Variants in MARCHF1 observed in about 807,000 individuals in gnomAD.
The protein encoded by MARCHF1 is E3 ubiquitin-protein ligase MARCHF1.
Under a neutral mutation model 54.2 loss-of-function variants are expected in MARCHF1, and 40 were observed. The ratio of observed to expected loss-of-function variants is 0.74; its 90% CI spans 0.57 to 0.96. The LOEUF is 0.96. MARCHF1 is among the 40% of genes least tolerant of loss of function. The pLI is 0.00. For missense variants in MARCHF1, 586 were observed against 656.5 expected (o/e 0.89, Z 1.17); for synonymous variants, 236 against 236.3 (o/e 1.00, Z 0.01).
intron 1 of MARCHF1, among the ~76,000 whole-genome samples, chr4:164,151,877 C>T (rs548082627): frequency 6.6e-6 from 1 of 152,194 alleles, no homozygotes; most frequent in African/African-American, 2.4e-5. Context: ...CTGCAGCTTT[C>T]TTGACCTTTC....
At chr4:163,872,934 C>T (rs1341411357) in intron 3 of MARCHF1, among the ~76,000 whole-genome samples, 3 of 152,052 alleles carry the variant, frequency 2.0e-5, no homozygotes, top group African/African-American at 7.2e-5. Context: ...GTCCCAGCTA[C>T]TCGGGAGGCT....
chr4:163,974,490 T>C (rs559734442), intron 3 of MARCHF1, among the ~76,000 whole-genome samples: 2 of 152,298 alleles, frequency 1.3e-5, no homozygotes, highest in South Asian at 2.1e-4. Context: ...TGAGTTACTC[T>C]CCAACCTTTG....
chr4:164,213,864 T>C (rs1337324239), intron 1 of MARCHF1, among the ~76,000 whole-genome samples: 8 of 151,992 alleles, frequency 5.3e-5, no homozygotes, highest in Admixed American at 5.2e-4. Context: ...TCAGGCAAAA[T>C]GTAAATAATC....
intron 2 of MARCHF1, among the ~76,000 whole-genome samples, chr4:164,005,301 A>G (rs910820031): frequency 7.2e-5 from 11 of 152,194 alleles, no homozygotes; most frequent in Non-Finnish European, 1.3e-4. Flanking sequence ...AATTAAATTA[A>G]TAATTTAAAA....
At chr4:164,356,012 A>G (rs371117550) in intron 1 of MARCHF1, among the ~76,000 whole-genome samples, 1 of 129,920 alleles carries the variant, frequency 7.7e-6, no homozygotes, top group Non-Finnish European at 1.7e-5. Flanking sequence ...AACACATGAA[A>G]AAATGCTCAC....
chr4:163,915,583 C>T (rs376639127), intron 3 of MARCHF1, among the ~76,000 whole-genome samples: 1 of 152,014 alleles, frequency 6.6e-6, no homozygotes, highest in African/African-American at 2.4e-5. Flanking sequence ...AATATAATCC[C>T]ACTACTTGTA....
chr4:164,331,853 A>G (rs977072314), intron 1 of MARCHF1, among the ~76,000 whole-genome samples: 4 of 152,176 alleles, frequency 2.6e-5, no homozygotes, highest in Admixed American at 2.0e-4. Context: ...AATATATACA[A>G]TAACAGAGAA....
At chr4:164,256,524 T>C (rs1223606714) in intron 1 of MARCHF1, among the ~76,000 whole-genome samples, 1 of 151,476 alleles carries the variant, frequency 6.6e-6, no homozygotes, top group Non-Finnish European at 1.5e-5. Context: ...CATTGGCTTT[T>C]TCCAAAGAAT....
rs1741389069 is a variant in MARCHF1, at chr4:163,612,838, G to C, written c.443C>G (p.Ser148Ter). ...GTAAAGCTCCCTCCACCTGGGGCTT[G>C]AGATTTGAAGGTGAAAGTCATTTTT... ...GRKNDFHLQI[S>*]SPRWRELYTD... Residue 148 changes from serine (S) to a stop codon, truncating the protein, a stop_gained, in exon 7 of 10, where the codon TCA (serine) becomes TGA (stop). Coordinates refer to ENST00000514618, the MANE Select transcript of MARCHF1 (RefSeq NM_001394959.1). LOFTEE classifies it high-confidence loss of function. The C allele has an allele frequency of 6.5e-7, 1 of 1,535,118 alleles. No homozygotes were observed. Among genetic ancestry groups the C allele is most frequent in the Non-Finnish European group, 8.7e-7 (1 of 1,146,474 alleles).
At chr4:164,046,144 T>C (rs1754238273) in intron 2 of MARCHF1, among the ~76,000 whole-genome samples, 2 of 152,154 alleles carry the variant, frequency 1.3e-5, no homozygotes, top group South Asian at 2.1e-4. Context: ...GTGGGTTGCA[T>C]TAGGAGAGGA....
intron 4 of MARCHF1, among the ~76,000 whole-genome samples, chr4:163,832,104 A>G (rs1249898589): frequency 6.6e-6 from 1 of 152,228 alleles, no homozygotes; most frequent in African/African-American, 2.4e-5. Context: ...GTCCAGAAAA[A>G]TTGAAAAGGT....
intron 4 of MARCHF1, among the ~76,000 whole-genome samples, chr4:163,829,495 C>G (rs769944379): frequency 5.3e-5 from 8 of 152,066 alleles, no homozygotes; most frequent in Non-Finnish European, 1.0e-4. Flanking sequence ...CAATTTAAGT[C>G]ACCCACAGAG....
At chr4:164,260,795 A>G (rs1344061328) in intron 1 of MARCHF1, among the ~76,000 whole-genome samples, 1 of 152,226 alleles carries the variant, frequency 6.6e-6, no homozygotes, top group African/African-American at 2.4e-5. Context: ...GGATTTTGCA[A>G]AAGCACTTTA....
intron 7 of MARCHF1, among the ~76,000 whole-genome samples, chr4:163,600,432 G>A (rs763645968): frequency 1.1e-4 from 16 of 152,236 alleles, no homozygotes; most frequent in Non-Finnish European, 2.1e-4. Flanking sequence ...AGTGTAACAT[G>A]AAGCCTAGGT....
At chr4:163,823,368 A>T (rs1268973546) in intron 4 of MARCHF1, among the ~76,000 whole-genome samples, 1 of 151,862 alleles carries the variant, frequency 6.6e-6, no homozygotes, top group Non-Finnish European at 1.5e-5. Context: ...TGTAAATCTA[A>T]TCTAATAAAC....
intron 1 of MARCHF1, among the ~76,000 whole-genome samples, chr4:164,350,916 C>T (rs1056492861): frequency 4.6e-5 from 7 of 151,928 alleles, no homozygotes; most frequent in African/African-American, 9.7e-5. Flanking sequence ...GCACCGGGCG[C>T]GAGCCGAAGC....
chr4:164,122,446 G>A (rs879399690), intron 1 of MARCHF1, among the ~76,000 whole-genome samples: 3 of 152,152 alleles, frequency 2.0e-5, no homozygotes, highest in Non-Finnish European at 2.9e-5. Flanking sequence ...ACAGTAAGGA[G>A]CATATAAGAT....
intron 2 of MARCHF1, among the ~76,000 whole-genome samples, chr4:164,070,172 C>A (rs980022397): frequency 2.0e-5 from 3 of 152,142 alleles, no homozygotes; most frequent in African/African-American, 7.2e-5. Flanking sequence ...GTACTATACT[C>A]CCTATCTGGG....
chr4:164,106,030 G>A (rs1177547704), intron 2 of MARCHF1, among the ~76,000 whole-genome samples: 1 of 150,640 alleles, frequency 6.6e-6, no homozygotes, highest in Non-Finnish European at 1.5e-5. Flanking sequence ...CATCATCACT[G>A]GCCATCAGAG....
Sources: gnomAD v4.1 joint callset for allele counts (sites outside exome capture counted in the v4.1 genomes callset) on GRCh38, gnomAD v4.1.1 for gene constraint, MANE v1.5 for transcripts, NCBI Gene and HGNC (gene_info 2026-07-23, HGNC 2026-07-21) for gene names.